Variants in SSH2 observed in about 807,000 individuals in gnomAD.
SSH2 encodes slingshot protein phosphatase 2.
Under a neutral mutation model 135.2 loss-of-function variants are expected in SSH2, and 37 were observed. The observed-to-expected ratio is 0.27, with a 90% CI of 0.21 to 0.36. The LOEUF (loss-of-function observed/expected upper bound fraction) is 0.36. Ranked by LOEUF, SSH2 falls within the 10% of genes least tolerant of loss-of-function variation. SSH2 has a pLI of 1.00. For synonymous variants in SSH2, 628 were observed against 646.2 expected, an observed-to-expected ratio of 0.97 and a Z score of 0.43; for missense variants, 1,408 against 1,765.3, an observed-to-expected ratio of 0.80 and a Z score of 3.63.
chr17:29,686,804 G>A (rs529581840), intron 5 of SSH2, among the ~76,000 whole-genome samples: 31 of 152,190 alleles, frequency 2.0e-4, no homozygotes, highest in Middle Eastern at 3.4e-3. Flanking sequence ...AAGTAACTGG[G>A]ATTACAGGCA....
chr17:29,856,033 C>G (rs2065656931), intron 1 of SSH2: 1 of 385,482 alleles, frequency 2.6e-6, no homozygotes, highest in Non-Finnish European at 5.1e-6. Context: ...AAGATGAGGT[C>G]TGTGCATACT....
At chr17:29,796,033 G>A (rs929832661) in intron 2 of SSH2, among the ~76,000 whole-genome samples, 4 of 151,982 alleles carry the variant, frequency 2.6e-5, no homozygotes, top group East Asian at 1.9e-4. Flanking sequence ...GTGAGCCACC[G>A]TGCCCGGCCA....
intron 14 of SSH2, chr17:29,645,473 T>G (rs139114245): frequency 7.9e-5 from 12 of 152,130 alleles, no homozygotes; most frequent in South Asian, 4.1e-4. Flanking sequence ...CTTCAACAAC[T>G]AAGGAAAACC....
chr17:29,925,733 A>T (rs2067052946), intron 1 of SSH2, among the ~76,000 whole-genome samples: 1 of 152,006 alleles, frequency 6.6e-6, no homozygotes. Flanking sequence ...GGAAAGAAAG[A>T]AAATTGCTGT....
intron 4 of SSH2, among the ~76,000 whole-genome samples, chr17:29,699,178 T>G (rs776306847): frequency 1.3e-5 from 2 of 152,256 alleles, no homozygotes; most frequent in Admixed American, 1.3e-4. Context: ...TTCTAGGAGC[T>G]AAATTTCAAA....
intron 3 of SSH2, among the ~76,000 whole-genome samples, chr17:29,764,352 C>A (rs932776336): frequency 2.0e-5 from 3 of 152,184 alleles, no homozygotes; most frequent in African/African-American, 7.2e-5. Flanking sequence ...AAAAGTTGAG[C>A]AAATTCCTTT....
intron 4 of SSH2, among the ~76,000 whole-genome samples, chr17:29,702,579 C>T (rs2039029797): frequency 6.6e-6 from 1 of 152,140 alleles, no homozygotes; most frequent in Admixed American, 6.5e-5. Context: ...CGCTTGAACC[C>T]AGGAGGTGGA....
At chr17:29,828,359 C>T (rs1011437490) in intron 2 of SSH2, among the ~76,000 whole-genome samples, 2 of 152,198 alleles carry the variant, frequency 1.3e-5, no homozygotes, top group Admixed American at 6.5e-5. Context: ...TCTGAATCTA[C>T]TGTGAACTTT....
intron 3 of SSH2, among the ~76,000 whole-genome samples, chr17:29,781,473 C>CTTTTTTTTTTTTTT (rs541361010): frequency 1.2e-5 from 1 of 81,840 alleles, no homozygotes; most frequent in Non-Finnish European, 2.3e-5. Flanking sequence ...CCTGTGTTTT[C>CTTTTTTTTTTTTTT]TTTTTTTTTT....
intron 3 of SSH2, among the ~76,000 whole-genome samples, chr17:29,751,089 C>T (rs984878896): frequency 6.6e-6 from 1 of 152,000 alleles, no homozygotes; most frequent in Admixed American, 6.6e-5. Flanking sequence ...CTGCCTGAGG[C>T]AGCTTTACAG....
chr17:29,851,554 T>C (rs781605921), intron 1 of SSH2, among the ~76,000 whole-genome samples: 3 of 151,502 alleles, frequency 2.0e-5, no homozygotes, highest in Non-Finnish European at 4.4e-5. Context: ...ATCATGGCCA[T>C]AGCACTCCAG....
intron 8 of SSH2, 152 bp downstream of exon 8, chr17:29,676,668 A>G (rs765770218): frequency 1.7e-6 from 1 of 603,874 alleles, no homozygotes; most frequent in Non-Finnish European, 2.9e-6. Flanking sequence ...CAATTTGAAT[A>G]TTGCATTTCT....
At chr17:29,914,195 T>C (rs1470524610) in intron 1 of SSH2, among the ~76,000 whole-genome samples, 1 of 152,074 alleles carries the variant, frequency 6.6e-6, no homozygotes, top group Non-Finnish European at 1.5e-5. Flanking sequence ...AAGGAGACTG[T>C]CATTTAGGAT....
intron 2 of SSH2, among the ~76,000 whole-genome samples, chr17:29,817,167 T>C (rs1335581500): frequency 6.6e-6 from 1 of 152,184 alleles, no homozygotes; most frequent in African/African-American, 2.4e-5. Flanking sequence ...CCACTAAAGC[T>C]ACCTCAAAAG....
chr17:29,690,657 G>A (rs1465507417), intron 5 of SSH2, among the ~76,000 whole-genome samples: 2 of 152,094 alleles, frequency 1.3e-5, no homozygotes, highest in African/African-American at 4.8e-5. Context: ...GGCTTCACTT[G>A]TGACACTAGT....
chr17:29,913,357 TATATA>T (rs2066817865), intron 1 of SSH2, among the ~76,000 whole-genome samples: 1 of 50,616 alleles, frequency 2.0e-5, no homozygotes, highest in Non-Finnish European at 3.8e-5. Flanking sequence ...AATATATATA[TATATA>T]TATATATATA....
intron 3 of SSH2, among the ~76,000 whole-genome samples, chr17:29,746,547 C>CAAAAAAAAA (rs57217896): frequency 1.5e-5 from 1 of 67,946 alleles, no homozygotes; most frequent in African/African-American, 5.9e-5. Flanking sequence ...GACTCTGTCT[C>CAAAAAAAAA]AAAAAAAAAA....
At chr17:29,761,158 G>C (rs1258264115) in intron 3 of SSH2, 2 of 1,289,356 alleles carry the variant, frequency 1.6e-6, no homozygotes, top group African/African-American at 3.0e-5. Context: ...ACAGCTGGTT[G>C]ATGGCGTTCT....
chr17:29,862,646 A>G (rs2065784165), intron 1 of SSH2, among the ~76,000 whole-genome samples: 1 of 152,232 alleles, frequency 6.6e-6, no homozygotes, highest in Admixed American at 6.5e-5. Flanking sequence ...AGAGCCTCTT[A>G]GCAGCTTGGC....
Sources: gnomAD v4.1 joint callset for allele counts (sites outside exome capture counted in the v4.1 genomes callset) on GRCh38, gnomAD v4.1.1 for gene constraint, MANE v1.5 for transcripts, NCBI Gene and HGNC (gene_info 2026-07-23, HGNC 2026-07-21) for gene names.